GRXCR1: variants seen among roughly 807,000 people sequenced by gnomAD.
GRXCR1 encodes the protein glutaredoxin and cysteine rich domain containing 1.
In GRXCR1, 27 loss-of-function variants were observed where a neutral mutation model predicts 27.3. The ratio of observed to expected loss-of-function variants is 0.99; its 90% CI spans 0.73 to 1.37. The LOEUF is 1.37. Ranked by LOEUF, GRXCR1 falls within the 40% of genes most tolerant of loss-of-function variation. The pLI is 0.00. For synonymous variants in GRXCR1, 122 were observed against 131.1 expected, an observed-to-expected ratio of 0.93 and a Z score of 0.47; for missense variants, 379 against 354.4, an observed-to-expected ratio of 1.07 and a Z score of -0.56.
chr4:42,995,069 A>G (rs1310377413), intron 2 of GRXCR1, among the ~76,000 whole-genome samples: 4 of 152,074 alleles, frequency 2.6e-5, no homozygotes, highest in African/African-American at 9.7e-5. Context: ...TATCAAAAGC[A>G]TTTTTCATTT....
intron 1 of GRXCR1, among the ~76,000 whole-genome samples, chr4:42,935,297 A>G (rs978221127): frequency 2.6e-5 from 4 of 151,924 alleles, no homozygotes; most frequent in Admixed American, 1.3e-4. Context: ...AAGAGATAGG[A>G]AAAACAACAC....
intron 1 of GRXCR1, among the ~76,000 whole-genome samples, chr4:42,943,184 T>G (rs1009507569): frequency 1.3e-5 from 2 of 152,112 alleles, no homozygotes; most frequent in Admixed American, 1.3e-4. Context: ...ATAACACATA[T>G]AGGTAAATTT....
At chr4:42,948,587 T>C (rs1183304042) in intron 1 of GRXCR1, among the ~76,000 whole-genome samples, 1 of 152,166 alleles carries the variant, frequency 6.6e-6, no homozygotes, top group Non-Finnish European at 1.5e-5. Context: ...GATAGGCTGC[T>C]GAATAAAGCT....
At chr4:42,978,492 A>G (rs536529330) in intron 2 of GRXCR1, among the ~76,000 whole-genome samples, 12 of 152,072 alleles carry the variant, frequency 7.9e-5, no homozygotes, top group African/African-American at 2.4e-4. Context: ...TGATTGTTCT[A>G]TGATTTTCAG....
At chr4:42,902,543 G>C (rs192284107) in intron 1 of GRXCR1, among the ~76,000 whole-genome samples, 1 of 152,188 alleles carries the variant, frequency 6.6e-6, no homozygotes, top group East Asian at 1.9e-4. Context: ...ATGGCATTTA[G>C]ATAGATTCCA....
At chr4:42,993,390 G>A (rs942953063) in intron 2 of GRXCR1, among the ~76,000 whole-genome samples, 3 of 151,914 alleles carry the variant, frequency 2.0e-5, no homozygotes, top group Non-Finnish European at 2.9e-5. Flanking sequence ...TTAGCCTCTT[G>A]TGTCAATCTT....
intron 2 of GRXCR1, among the ~76,000 whole-genome samples, chr4:42,983,083 G>C (rs1383166564): frequency 3.3e-5 from 5 of 150,846 alleles, no homozygotes; most frequent in African/African-American, 1.2e-4. Flanking sequence ...GTCAATTTTG[G>C]CTTTTGTTGC....
Position 42,976,228 on chromosome 4 carries a change from C to A in GRXCR1, c.627+13094C>A, listed in dbSNP as rs368624831. On this transcript the variant is annotated intron_variant, in intron 2 of 3. Transcript: ENST00000399770. ...ATAAAGCGGTTCTGTTTATTGGTGA[C>A]CTGGTCACAGTTAAATGAAGACTTA... Among the ~76,000 whole-genome samples the A allele has an allele frequency of 4.2e-4, 64 of 152,076 alleles. 1 individual carries two copies. In the South Asian group the frequency reaches 9.8e-3, roughly 23 times the overall value.
intron 2 of GRXCR1, among the ~76,000 whole-genome samples, chr4:42,976,795 C>G (rs1748534460): frequency 6.6e-6 from 1 of 151,932 alleles, no homozygotes; most frequent in African/African-American, 2.4e-5. Flanking sequence ...AGCATTATCT[C>G]ACATAATTAT....
chr4:42,960,864 T>A (rs1748116045), intron 1 of GRXCR1, among the ~76,000 whole-genome samples: 1 of 151,876 alleles, frequency 6.6e-6, no homozygotes, highest in Admixed American at 6.6e-5. Flanking sequence ...TTTTAAGTTC[T>A]GGGGAACATG....
At chr4:43,018,852 C>T (rs1323240979) in intron 2 of GRXCR1, among the ~76,000 whole-genome samples, 1 of 152,148 alleles carries the variant, frequency 6.6e-6, no homozygotes, top group Non-Finnish European at 1.5e-5. Context: ...GCTTTCATTA[C>T]CTTTGTTCTT....
At chr4:42,935,095 C>A (rs1015927032) in intron 1 of GRXCR1, among the ~76,000 whole-genome samples, 11 of 151,880 alleles carry the variant, frequency 7.2e-5, no homozygotes, top group African/African-American at 2.4e-4. Context: ...TATTTCAAGG[C>A]CACAAGTATT....
At chr4:42,918,204 T>G (rs1274391112) in intron 1 of GRXCR1, among the ~76,000 whole-genome samples, 2 of 152,038 alleles carry the variant, frequency 1.3e-5, no homozygotes, top group Admixed American at 6.6e-5. Flanking sequence ...GGAGGAACAC[T>G]GTTTTCACAA....
intron 2 of GRXCR1, among the ~76,000 whole-genome samples, chr4:42,994,035 T>C (rs1291247136): frequency 6.6e-6 from 1 of 152,082 alleles, no homozygotes; most frequent in Non-Finnish European, 1.5e-5. Flanking sequence ...GGAAGAAATG[T>C]TTTATAGGAT....
At chr4:42,921,206 G>A (rs1358932835) in intron 1 of GRXCR1, among the ~76,000 whole-genome samples, 3 of 151,996 alleles carry the variant, frequency 2.0e-5, no homozygotes, top group Non-Finnish European at 2.9e-5. Flanking sequence ...TACCATGTGA[G>A]GACATAGTGA....
intron 2 of GRXCR1, among the ~76,000 whole-genome samples, chr4:43,009,848 C>G (rs981514065): frequency 6.6e-6 from 1 of 152,134 alleles, no homozygotes; most frequent in Non-Finnish European, 1.5e-5. Context: ...CAATACATTT[C>G]TCTATATATA....
chr4:42,971,595 C>G (rs1471720324), intron 2 of GRXCR1, among the ~76,000 whole-genome samples: 3 of 151,864 alleles, frequency 2.0e-5, no homozygotes, highest in Non-Finnish European at 4.4e-5. Flanking sequence ...CACCCACGTT[C>G]AAAAAACCAG....
chr4:42,994,804 A>G (rs1712092119), intron 2 of GRXCR1, among the ~76,000 whole-genome samples: 1 of 152,146 alleles, frequency 6.6e-6, no homozygotes, highest in South Asian at 2.1e-4. Context: ...TTGAATTTTG[A>G]AAGTTCACTG....
At chr4:42,943,227 C>CAAGTTAAT in intron 1 of GRXCR1, among the ~76,000 whole-genome samples, 1 of 152,028 alleles carries the variant, frequency 6.6e-6, no homozygotes, top group African/African-American at 2.4e-5. Flanking sequence ...GGCACATTGC[C>CAAGTTAAT]TGATGCATAG....
Sources: gnomAD v4.1 joint callset for allele counts (sites outside exome capture counted in the v4.1 genomes callset) on GRCh38, gnomAD v4.1.1 for gene constraint, MANE v1.5 for transcripts, NCBI Gene and HGNC (gene_info 2026-07-23, HGNC 2026-07-21) for gene names.